Variants in MCC observed in about 807,000 individuals in gnomAD.
MCC encodes colorectal mutant cancer protein.
MCC carries 90 observed loss-of-function variants against 116.2 expected under a neutral mutation model. The ratio of observed to expected loss-of-function variants is 0.77; its 90% confidence interval spans 0.65 to 0.92. The LOEUF (loss-of-function observed/expected upper bound fraction) is 0.92. MCC is among the 40% of genes least tolerant of loss of function. MCC has a pLI of 0.00. For synonymous variants in MCC, 578 were observed against 510.5 expected, an observed-to-expected ratio of 1.13 and a Z score of -1.78; for missense variants, 1,516 against 1,312.2, an observed-to-expected ratio of 1.16 and a Z score of -2.40.
intron 3 of MCC, among the ~76,000 whole-genome samples, chr5:113,283,910 C>T (rs1189751746): frequency 6.6e-6 from 1 of 152,206 alleles, no homozygotes; most frequent in Non-Finnish European, 1.5e-5. Context: ...CCTCCTCAGC[C>T]TACTCTACAT....
chr5:113,406,565 T>C (rs1009572248), intron 1 of MCC, among the ~76,000 whole-genome samples: 9 of 152,232 alleles, frequency 5.9e-5, no homozygotes, highest in Non-Finnish European at 1.3e-4. Context: ...ATAATCCTAT[T>C]TGTAGTCTAC....
At chr5:113,388,579 C>T (rs1360349653) in intron 1 of MCC, among the ~76,000 whole-genome samples, 1 of 152,142 alleles carries the variant, frequency 6.6e-6, no homozygotes, top group Non-Finnish European at 1.5e-5. Flanking sequence ...GACACCTCCT[C>T]CCCCACCTTG....
chr5:113,291,734 C>A (rs1766502253), intron 3 of MCC, among the ~76,000 whole-genome samples: 2 of 152,078 alleles, frequency 1.3e-5, no homozygotes, highest in African/African-American at 4.8e-5. Context: ...CAACTTTGCC[C>A]TACAAGATAT....
chr5:113,404,409 A>G (rs1188934283), intron 1 of MCC, among the ~76,000 whole-genome samples: 1 of 152,240 alleles, frequency 6.6e-6, no homozygotes, highest in Non-Finnish European at 1.5e-5. Context: ...TCCTGGTCAC[A>G]GACAGAAAGT....
intron 3 of MCC, among the ~76,000 whole-genome samples, chr5:113,195,239 G>A (rs1290566805): frequency 6.6e-6 from 1 of 152,230 alleles, no homozygotes; most frequent in South Asian, 2.1e-4. Flanking sequence ...AACAGTGTGT[G>A]CTCGGAAGGG....
chr5:113,467,546 T>C (rs1057075893), intron 1 of MCC, among the ~76,000 whole-genome samples: 2 of 152,136 alleles, frequency 1.3e-5, no homozygotes, highest in Non-Finnish European at 2.9e-5. Context: ...GGTCTATATC[T>C]CTGTTTTGGT....
At chr5:113,131,882 G>C (rs546653611) in intron 5 of MCC, among the ~76,000 whole-genome samples, 2 of 152,280 alleles carry the variant, frequency 1.3e-5, no homozygotes, top group African/African-American at 4.8e-5. Context: ...TCAAGTGCCA[G>C]ACAACAGCTA....
chr5:113,028,999 G>C lies in MCC; in HGVS notation c.2814C>G (p.Thr938=), dbSNP rs1438574513. 1.2e-6 allele frequency: 2 copies of C among 1,613,686 alleles called. No individual in the cohort carries two copies. Among genetic ancestry groups the C allele is most frequent in the Non-Finnish European group, 1.7e-6 (2 of 1,179,868 alleles). Residue 938 remains threonine, a synonymous_variant, in exon 18 of 19, where the codon ACC becomes ACG. Coordinates refer to ENST00000408903, the MANE Select transcript of MCC (RefSeq NM_001085377.2). The part of the protein sequence containing the change: ...QELVSALERL[T]KSSEIRHQQS... ...GCTGATGTCGGATTTCACTGCTCTT[G>C]GTGAGTCTCTCCAAGGCACTCACCA...
intron 11 of MCC, among the ~76,000 whole-genome samples, chr5:113,080,682 T>C (rs531450682): frequency 2.7e-4 from 41 of 152,164 alleles, no homozygotes; most frequent in African/African-American, 9.4e-4. Context: ...AGGGATAGCA[T>C]TAGGAGATAT....
chr5:113,036,888 T>A (rs1580891478), intron 17 of MCC, among the ~76,000 whole-genome samples: 1 of 152,334 alleles, frequency 6.6e-6, no homozygotes, highest in African/African-American at 2.4e-5. Context: ...GCTCTGGGGC[T>A]CAGCAGTTTA....
chr5:113,274,950 A>C (rs1393330598), intron 3 of MCC, among the ~76,000 whole-genome samples: 2 of 152,238 alleles, frequency 1.3e-5, no homozygotes, highest in Non-Finnish European at 2.9e-5. Context: ...CTCCTGCACC[A>C]TGCCTAGATT....
intron 18 of MCC, among the ~76,000 whole-genome samples, chr5:113,028,670 C>T (rs1750745051): frequency 6.6e-6 from 1 of 152,074 alleles, no homozygotes; most frequent in Non-Finnish European, 1.5e-5. Flanking sequence ...TACATAATAC[C>T]AGGAGGCATA....
chr5:113,071,323 G>A (rs895407503), intron 11 of MCC, 89 bp from the exon 12 acceptor site: 3 of 1,413,146 alleles, frequency 2.1e-6, no homozygotes, highest in South Asian at 2.7e-5. Flanking sequence ...GGGCAGAAAA[G>A]CATGTGAGGA....
intron 1 of MCC, among the ~76,000 whole-genome samples, chr5:113,461,029 C>T (rs549948241): frequency 4.1e-4 from 63 of 152,316 alleles, no homozygotes; most frequent in African/African-American, 1.5e-3. Flanking sequence ...GAGGCTGAAG[C>T]AGGAAGATGG....
chr5:113,133,221 C>T (rs1475586313), intron 5 of MCC, among the ~76,000 whole-genome samples: 2 of 152,080 alleles, frequency 1.3e-5, no homozygotes, highest in African/African-American at 2.4e-5. Flanking sequence ...AATTATCAAA[C>T]ACTAGGTCTT....
intron 14 of MCC, 141 bp downstream of exon 14, chr5:113,063,842 TG>T: frequency 1.3e-6 from 1 of 794,190 alleles, no homozygotes; most frequent in Non-Finnish European, 1.9e-6. Flanking sequence ...CCTTTTTGGA[TG>T]GAGCAGGCTG....
In MCC at chr5:113,170,054, C is replaced by G. The variant is rs141029145; in HGVS notation, c.628-18632G>C. Among the ~76,000 whole-genome samples, 428 of 152,330 alleles carry G rather than the reference C, an allele frequency of 2.8e-3. 3 individuals carry two copies. Among genetic ancestry groups the G allele is most frequent in the African/African-American group, 9.9e-3 (411 of 41,556 alleles). The stretch of plus-strand genomic sequence containing the variant: ...GGTAGAATTAGATGGATATACCCCA[C>G]ACATCTAAGCTCCAATACAAAATTC... On this transcript the variant is annotated intron_variant, in intron 3 of 18. Transcript: ENST00000408903.
At chr5:113,178,490 G>A (rs565303061) in intron 3 of MCC, among the ~76,000 whole-genome samples, 1 of 152,062 alleles carries the variant, frequency 6.6e-6, no homozygotes, top group East Asian at 1.9e-4. Context: ...ATTGGGAAGG[G>A]TTAGCCAGAG....
chr5:113,065,254 G>A (rs1753521673), intron 13 of MCC, among the ~76,000 whole-genome samples: 1 of 152,102 alleles, frequency 6.6e-6, no homozygotes, highest in Non-Finnish European at 1.5e-5. Flanking sequence ...ACCCTGGTGG[G>A]GGACGCTGAA....
Sources: gnomAD v4.1 joint callset for allele counts (sites outside exome capture counted in the v4.1 genomes callset) on GRCh38, gnomAD v4.1.1 for gene constraint, MANE v1.5 for transcripts, NCBI Gene and HGNC (gene_info 2026-07-23, HGNC 2026-07-21) for gene names.